ABCB5: variants seen among roughly 807,000 people sequenced by gnomAD.
The protein encoded by ABCB5 is ATP-binding cassette sub-family B member 5.
A neutral mutation model predicts 144.2 loss-of-function variants in ABCB5; 155 were observed. The ratio of observed to expected loss-of-function variants is 1.08; its 90% CI spans 0.94 to 1.23. ABCB5 has a LOEUF of 1.23. Among genes scored for constraint, ABCB5 ranks in the 50% most tolerant of loss-of-function variants. ABCB5 has a pLI of 0.00. For synonymous variants in ABCB5, 610 were observed against 528.6 expected (o/e 1.15, Z -2.11); for missense variants, 1,830 against 1,520.8 (o/e 1.20, Z -3.38).
chr7:20,712,869 A>T (rs578038158), intron 20 of ABCB5, among the ~76,000 whole-genome samples: 4 of 150,014 alleles, frequency 2.7e-5, no homozygotes, highest in African/African-American at 7.4e-5. Flanking sequence ...GCTATTTAAC[A>T]TATGCATTAT....
At chr7:20,713,508 T>C (rs1416513957) in intron 20 of ABCB5, among the ~76,000 whole-genome samples, 1 of 149,820 alleles carries the variant, frequency 6.7e-6, no homozygotes, top group East Asian at 2.0e-4. Context: ...AGTGCTGGGA[T>C]TACAGGTGTG....
intron 16 of ABCB5, among the ~76,000 whole-genome samples, chr7:20,693,711 A>T (rs1318283840): frequency 1.3e-5 from 2 of 152,026 alleles, no homozygotes; most frequent in Non-Finnish European, 2.9e-5. Flanking sequence ...AACAAAGAAA[A>T]ATCAATCAAA....
intron 2 of ABCB5, 21 bp downstream of exon 2, chr7:20,623,359 G>A (rs1294871623): frequency 1.3e-6 from 2 of 1,531,380 alleles, no homozygotes; most frequent in Non-Finnish European, 1.8e-6. Flanking sequence ...ACTAAGTTCT[G>A]TAAGTATGCT....
chr7:20,626,452 T>C lies in ABCB5; in HGVS notation c.54-105T>C, dbSNP rs958601219. On this transcript the variant is annotated intron_variant, in intron 2 of 27. Transcript: ENST00000404938. Reference sequence around the variant, plus strand: ...TTTAAAATTTCAGTGTTGGTATAAATTTGCTACCAAGGTGATATCTGACAC... The same window carrying C: ...TTTAAAATTTCAGTGTTGGTATAAACTTGCTACCAAGGTGATATCTGACAC... 8.0e-6 allele frequency: 7 copies of C among 877,716 alleles called. No homozygotes were observed. In the Admixed American group the frequency reaches 1.7e-4, roughly 21 times the overall value. 54.4% of individuals were successfully genotyped at this position (877,716 alleles called of 1,614,324 possible). A position where few individuals can be genotyped will look rare whatever the true frequency, so the allele number is the denominator to read the frequency against.
At chr7:20,660,006 T>A (rs1277591089) in intron 14 of ABCB5, 1 of 985,418 alleles carries the variant, frequency 1.0e-6, no homozygotes. Context: ...TTTTAAAAAA[T>A]GTATTGTAAT....
intron 13 of ABCB5, among the ~76,000 whole-genome samples, chr7:20,655,142 T>G (rs748608327): frequency 1.3e-4 from 20 of 151,908 alleles, no homozygotes; most frequent in Non-Finnish European, 7.4e-5. Flanking sequence ...GGTACATGAC[T>G]ATTGATTCTA....
chr7:20,636,890 T>C (rs1422602964), intron 5 of ABCB5, among the ~76,000 whole-genome samples: 1 of 152,020 alleles, frequency 6.6e-6, no homozygotes, highest in Admixed American at 6.6e-5. Context: ...TTTTGAAATA[T>C]TTGAGATACA....
At chr7:20,728,549 T>C in intron 23 of ABCB5, 94 bp downstream of exon 23, 5 of 1,394,412 alleles carry the variant, frequency 3.6e-6, no homozygotes, top group Non-Finnish European at 4.9e-6. Flanking sequence ...AGGTCAGGAG[T>C]TTGAGATCAG....
intron 15 of ABCB5, among the ~76,000 whole-genome samples, chr7:20,682,136 C>A (rs926386038): frequency 2.1e-4 from 32 of 152,022 alleles, no homozygotes; most frequent in Admixed American, 2.0e-3. Context: ...ACTAGGGAGT[C>A]GGAGGTTGCA....
At chr7:20,619,430 C>T (rs1426658809) in intron 1 of ABCB5, among the ~76,000 whole-genome samples, 2 of 152,064 alleles carry the variant, frequency 1.3e-5, no homozygotes, top group African/African-American at 4.8e-5. Flanking sequence ...ACAATTTTCT[C>T]ATGATTAGTG....
At chr7:20,684,379 T>A (rs1174006493) in intron 15 of ABCB5, among the ~76,000 whole-genome samples, 1 of 152,134 alleles carries the variant, frequency 6.6e-6, no homozygotes, top group Non-Finnish European at 1.5e-5. Context: ...AAGCACCTTC[T>A]CAGAAAATGT....
rs369274708 is a variant in ABCB5, at chr7:20,643,180, T to G, written c.315-4T>G. 2 of 1,600,152 alleles carry G rather than the reference T, an allele frequency of 1.2e-6. No individual in the cohort carries two copies. Among genetic ancestry groups the G allele is most frequent in the African/African-American group, 2.7e-5 (2 of 74,762 alleles). On this transcript the variant is annotated splice_region_variant and splice_polypyrimidine_tract_variant and intron_variant, in intron 5 of 27. Transcript: ENST00000404938. ...AGTCTCACATTCTAATACTCTTTCT[T>G]CAGGTTGACCCTGTATTATGTTGGA...
intron 22 of ABCB5, 89 bp downstream of exon 22, chr7:20,727,229 T>C (rs1782065901): frequency 3.6e-6 from 3 of 831,220 alleles, no homozygotes; most frequent in African/African-American, 1.7e-5. Flanking sequence ...TGCCTGCTAA[T>C]TCATTTGCTC....
rs111943744 is a variant in ABCB5 at position 20,710,141 on chromosome 7, G to A, written c.2421+5334G>A. On this transcript the variant is annotated intron_variant, in intron 20 of 27. Transcript: ENST00000404938. ...CCAGCACCCAGCACTTTGGGAGACC[G>A]AGGCGGGTGGATCACCTGAGGTCGG... Among the ~76,000 whole-genome samples the A allele has an allele frequency of 7.4e-5, 11 of 148,188 alleles. 1 individual carries two copies. Among genetic ancestry groups the A allele is most frequent in the African/African-American group, 1.8e-4 (7 of 39,948 alleles).
chr7:20,660,382 C>G (rs990364449), intron 14 of ABCB5: 1 of 985,340 alleles, frequency 1.0e-6, no homozygotes. Context: ...GAGATTAAAT[C>G]AATGTAGAAA....
At chr7:20,674,239 T>C (rs1785536638) in intron 14 of ABCB5, among the ~76,000 whole-genome samples, 2 of 151,976 alleles carry the variant, frequency 1.3e-5, no homozygotes, top group South Asian at 4.1e-4. Context: ...TTCTTCATTC[T>C]TTTGTGTATA....
intron 4 of ABCB5, among the ~76,000 whole-genome samples, chr7:20,630,750 G>A (rs1333571785): frequency 2.0e-5 from 3 of 152,066 alleles, no homozygotes; most frequent in Non-Finnish European, 4.4e-5. Flanking sequence ...CCATCTGCTT[G>A]GGCGTATGCT....
At chr7:20,641,349 CA>C (rs566772460) in intron 5 of ABCB5, among the ~76,000 whole-genome samples, 964 of 92,524 alleles carry the variant, frequency 0.01, 11 homozygotes, top group African/African-American at 0.034. Flanking sequence ...TTTATTATTG[CA>C]AAACACACAC....
At chr7:20,648,655 T>C (rs1050600052) in intron 11 of ABCB5, among the ~76,000 whole-genome samples, 1 of 152,220 alleles carries the variant, frequency 6.6e-6, no homozygotes. Flanking sequence ...TAGTTGTTGT[T>C]AAAGATTGCA....
Sources: allele counts gnomAD v4.1 joint callset (sites outside exome capture counted in the v4.1 genomes callset), GRCh38; gene constraint gnomAD v4.1.1; transcripts MANE v1.5; gene names NCBI Gene and HGNC (gene_info 2026-07-23, HGNC 2026-07-21).